Variants in DLGAP2 observed in about 807,000 individuals in gnomAD.
The protein encoded by DLGAP2 is DLG associated protein 2, also known as disks large-associated protein 2.
Under a neutral mutation model 100.3 loss-of-function variants are expected in DLGAP2, and 26 were observed. The observed-to-expected ratio is 0.26, with a 90% CI of 0.19 to 0.36. DLGAP2 has a LOEUF of 0.36. Among genes scored for constraint, DLGAP2 ranks in the 10% least tolerant of loss-of-function variants. The probability of loss-of-function intolerance (pLI) is 1.00; values close to 1 mark genes in which losing one functional copy is unlikely to be tolerated. For missense variants in DLGAP2, 1,858 were observed against 1,453.2 expected, an observed-to-expected ratio of 1.28 and a Z score of -4.53; for synonymous variants, 886 against 630.1, an observed-to-expected ratio of 1.41 and a Z score of -6.08.
chr8:1,502,534 A>T (rs1309756096), intron 4 of DLGAP2, among the ~76,000 whole-genome samples: 1 of 152,026 alleles, frequency 6.6e-6, no homozygotes, highest in African/African-American at 2.4e-5. Flanking sequence ...TTTGTTGCTA[A>T]CTGACGTTCT....
intron 2 of DLGAP2, among the ~76,000 whole-genome samples, chr8:1,055,304 C>G (rs1258068098): frequency 6.6e-6 from 1 of 152,200 alleles, no homozygotes; most frequent in East Asian, 1.9e-4. Context: ...GTAGCTTCAA[C>G]TTATCAAACT....
At chr8:1,164,173 A>ATG (rs1796955915) in intron 2 of DLGAP2, among the ~76,000 whole-genome samples, 7 of 28,060 alleles carry the variant, frequency 2.5e-4, no homozygotes, top group African/African-American at 8.8e-4. Flanking sequence ...AGGGCCCGTC[A>ATG]TTTTGGTTTG....
At chr8:986,845 A>T (rs1334791712) in intron 2 of DLGAP2, among the ~76,000 whole-genome samples, 1 of 151,994 alleles carries the variant, frequency 6.6e-6, no homozygotes, top group Non-Finnish European at 1.5e-5. Context: ...TTTTTGGTAG[A>T]GATGGGGTTT....
chr8:1,142,505 G>C (rs1204747345), intron 2 of DLGAP2, among the ~76,000 whole-genome samples: 6 of 152,204 alleles, frequency 3.9e-5, no homozygotes, highest in Non-Finnish European at 8.8e-5. Flanking sequence ...TTTGGGTCTA[G>C]TATAGAACAT....
intron 3 of DLGAP2, among the ~76,000 whole-genome samples, chr8:1,351,918 C>T (rs1453511638): frequency 2.7e-5 from 2 of 73,210 alleles, no homozygotes; most frequent in South Asian, 7.4e-4. Context: ...GTGGAAAGGC[C>T]GTGCGCGTCC....
intron 1 of DLGAP2, among the ~76,000 whole-genome samples, chr8:892,236 C>T (rs1365303147): frequency 6.6e-6 from 1 of 152,210 alleles, no homozygotes; most frequent in African/African-American, 2.4e-5. Context: ...GGTCTCGGGG[C>T]AGCCCCTGCA....
At chr8:1,330,686 C>CTGAGTTCTGGGTGGGAT (rs1801134443) in intron 3 of DLGAP2, among the ~76,000 whole-genome samples, 1 of 143,854 alleles carries the variant, frequency 7.0e-6, no homozygotes, top group African/African-American at 2.7e-5. Context: ...TTCATGGGGA[C>CTGAGTTCTGGGTGGGAT]TGAGTTCTGG....
intron 3 of DLGAP2, among the ~76,000 whole-genome samples, chr8:1,459,486 C>T (rs740249): frequency 0.51 from 76,772 of 152,000 alleles, 19,896 homozygotes; most frequent in East Asian, 0.84. Flanking sequence ...ATTCCATGCA[C>T]GCTTGTTTGT....
chr8:869,703 T>G, intron 1 of DLGAP2, among the ~76,000 whole-genome samples: 1 of 152,206 alleles, frequency 6.6e-6, no homozygotes, highest in East Asian at 1.9e-4. Flanking sequence ...GTTGGAACAT[T>G]CGGGGATCAG....
intron 3 of DLGAP2, among the ~76,000 whole-genome samples, chr8:1,367,422 G>C (rs1288239246): frequency 2.0e-5 from 3 of 152,174 alleles, no homozygotes; most frequent in African/African-American, 7.2e-5. Flanking sequence ...ACAAAAATTA[G>C]CACACACTAA....
chr8:1,288,926 G>A (rs759405078), intron 3 of DLGAP2, among the ~76,000 whole-genome samples: 1 of 152,142 alleles, frequency 6.6e-6, no homozygotes, highest in Non-Finnish European at 1.5e-5. Context: ...AATTGTATAA[G>A]ATTTTTAACA....
intron 8 of DLGAP2, among the ~76,000 whole-genome samples, chr8:1,646,381 T>C (rs551328212): frequency 2.6e-5 from 4 of 152,202 alleles, no homozygotes; most frequent in African/African-American, 9.6e-5. Flanking sequence ...CACCTGTGTC[T>C]CTATTGTCTG....
intron 2 of DLGAP2, among the ~76,000 whole-genome samples, chr8:967,387 T>G (rs896349752): frequency 2.0e-5 from 3 of 152,140 alleles, no homozygotes; most frequent in African/African-American, 7.2e-5. Context: ...GTGCCTGTGG[T>G]TTTGAGAGTG....
chr8:812,271 C>T (rs781660974), intron 1 of DLGAP2, among the ~76,000 whole-genome samples: 1 of 152,172 alleles, frequency 6.6e-6, no homozygotes, highest in Non-Finnish European at 1.5e-5. Context: ...TGACCTTCTG[C>T]GTGACCTTGT....
intron 3 of DLGAP2, among the ~76,000 whole-genome samples, chr8:1,373,357 G>A (rs1407005430): frequency 3.3e-5 from 5 of 152,086 alleles, no homozygotes; most frequent in East Asian, 3.9e-4. Context: ...CTGGACCGTG[G>A]CCGCAGGTTG....
At chr8:1,531,235 C>CGTGTGTGTGTGTGTGT (rs529630124) in intron 4 of DLGAP2, among the ~76,000 whole-genome samples, 39 of 140,226 alleles carry the variant, frequency 2.8e-4, no homozygotes, top group African/African-American at 8.4e-4. Flanking sequence ...TATTAGAGAG[C>CGTGTGTGTGTGTGTGT]GTGTGCGTGT....
chr8:1,155,575 C>A (rs534475860), intron 2 of DLGAP2, among the ~76,000 whole-genome samples: 2 of 149,062 alleles, frequency 1.3e-5, no homozygotes, highest in African/African-American at 5.2e-5. Context: ...GGTGCAGGCT[C>A]GCAGGTTGCA....
At chr8:859,492 C>T (rs1488821414) in intron 1 of DLGAP2, among the ~76,000 whole-genome samples, 1 of 152,140 alleles carries the variant, frequency 6.6e-6, no homozygotes, top group Non-Finnish European at 1.5e-5. Flanking sequence ...TGGTTAGCGG[C>T]ACGTGTGAGC....
chr8:762,504 G>A (rs1380762969), intron 1 of DLGAP2, among the ~76,000 whole-genome samples: 1 of 152,138 alleles, frequency 6.6e-6, no homozygotes, highest in Non-Finnish European at 1.5e-5. Flanking sequence ...ATTTGTTCAC[G>A]TATTTAAGAG....
Sources: gnomAD v4.1 joint callset for allele counts (sites outside exome capture counted in the v4.1 genomes callset) on GRCh38, gnomAD v4.1.1 for gene constraint, MANE v1.5 for transcripts, NCBI Gene and HGNC (gene_info 2026-07-23, HGNC 2026-07-21) for gene names.